KCNU1: variants seen among roughly 807,000 people sequenced by gnomAD.
KCNU1 encodes potassium calcium-activated channel subfamily U member 1, also known as potassium channel subfamily U member 1.
Under a neutral mutation model 126.8 loss-of-function variants are expected in KCNU1, and 93 were observed. That is an observed-to-expected ratio of 0.73 (90% CI 0.62 to 0.87). The LOEUF is 0.87. Among genes scored for constraint, KCNU1 ranks in the 40% least tolerant of loss-of-function variants. The pLI, the probability that KCNU1 is intolerant of heterozygous loss-of-function variation, is 0.00. For synonymous variants in KCNU1, 523 were observed against 494.2 expected (o/e 1.06, Z -0.77); for missense variants, 1,330 against 1,367.1 (o/e 0.97, Z 0.43).
intron 18 of KCNU1, among the ~76,000 whole-genome samples, chr8:36,859,526 T>G (rs1805653144): frequency 6.6e-6 from 1 of 152,154 alleles, no homozygotes; most frequent in African/African-American, 2.4e-5. Context: ...AAAAACATGT[T>G]AGCTTTTGGG....
At position 36,840,700 on chromosome 8, in the gene KCNU1, G is replaced by A. The variant is rs1804917196; in HGVS notation, c.1631+125G>A. The A allele has an allele frequency of 5.7e-6, 4 of 706,214 alleles. No homozygotes were observed. The East Asian group carries it at 8.1e-5, about 14-fold the overall frequency. The allele number at this position is 706,214 out of a possible 1,614,324, so 43.7% of individuals were successfully genotyped here. A position where few individuals can be genotyped will look rare whatever the true frequency, so the allele number is the denominator to read the frequency against. Reference sequence around the variant, plus strand: ...AAGATCTAAGAAGGGACAGCCCAGGGTCCCTGAAACTTAGAAGTTTACAGT... The same window carrying A: ...AAGATCTAAGAAGGGACAGCCCAGGATCCCTGAAACTTAGAAGTTTACAGT... On this transcript the variant is annotated intron_variant, in intron 15 of 26. Transcript: ENST00000399881.
intron 19 of KCNU1, among the ~76,000 whole-genome samples, chr8:36,898,907 A>G (rs912612386): frequency 6.6e-6 from 1 of 152,088 alleles, no homozygotes; most frequent in African/African-American, 2.4e-5. Flanking sequence ...TCTGACTTTT[A>G]TTAAAGGTAC....
At chr8:36,929,159 A>T in intron 24 of KCNU1, 2 of 561,832 alleles carry the variant, frequency 3.6e-6, no homozygotes, top group Non-Finnish European at 3.2e-6. Context: ...AGGTAGGTGG[A>T]TCTCTTGAGG....
intron 18 of KCNU1, among the ~76,000 whole-genome samples, chr8:36,861,484 A>G (rs996351): frequency 0.37 from 56,846 of 152,020 alleles, 10,945 homozygotes; most frequent in Admixed American, 0.44. Flanking sequence ...GAATGGATAC[A>G]TAAATAAATA....
At chr8:36,808,863 G>C in intron 7 of KCNU1, 70 bp downstream of exon 7, 1 of 1,068,560 alleles carries the variant, frequency 9.4e-7, no homozygotes, top group Non-Finnish European at 1.4e-6. Flanking sequence ...AAATGGAAGG[G>C]AACCTGCTGA....
In KCNU1 at chr8:36,805,178, CCTT is replaced by C. The variant is rs766056713; in HGVS notation, c.378-13_378-11del. 6 of 1,572,706 alleles carry C rather than the reference CCTT, an allele frequency of 3.8e-6. No homozygotes were observed. The highest frequency in any genetic ancestry group is 1.1e-5 in the South Asian group (1 of 88,852). Reference sequence around the variant, plus strand: ...AAAAATGTTGATCTTCACAAACTGTCCTTCTTTCTTTTCCAGCCCTGTTGGAAG... The same window carrying C: ...AAAAATGTTGATCTTCACAAACTGTCCTTTCTTTTCCAGCCCTGTTGGAAG... On this transcript the variant is annotated splice_polypyrimidine_tract_variant and intron_variant, in intron 3 of 26. Coordinates refer to ENST00000399881, the MANE Select transcript of KCNU1 (RefSeq NM_001031836.3).
At chr8:36,861,129 T>A (rs928299931) in intron 18 of KCNU1, among the ~76,000 whole-genome samples, 2 of 152,162 alleles carry the variant, frequency 1.3e-5, no homozygotes, top group African/African-American at 4.8e-5. Flanking sequence ...GGAGAAAGAA[T>A]AGGAGATGGT....
chr8:36,815,546 A>T, intron 8 of KCNU1, 50 bp from the exon 9 acceptor site: 2 of 902,000 alleles, frequency 2.2e-6, no homozygotes, highest in Non-Finnish European at 3.4e-6. Flanking sequence ...TTTTTGGAGT[A>T]TCCATCAAAA....
rs1247378609 is a variant in KCNU1 at position 36,787,321 on chromosome 8, G to C, written c.211G>C (p.Gly71Arg). The change falls in exon 2 of 27, where the codon GGT (glycine) becomes CGT (arginine). Residue 71 changes from glycine to arginine, a missense_variant. By Grantham distance (125) the Gly-to-Arg change is moderately radical (BLOSUM62 -2). Coordinates refer to ENST00000399881, the MANE Select transcript of KCNU1 (RefSeq NM_001031836.3). Reference protein sequence around the residue: ...TGIILELFTSGTIARSHVRSL... With the variant: ...TGIILELFTSRTIARSHVRSL... ...TTGATTGTAGGAACTGTTCACATCA[G>C]GTACCATCGCTAGGAGCCATGTAAG... is the stretch of plus-strand genomic sequence containing the variant. 1 of 1,610,768 alleles carries C rather than the reference G, an allele frequency of 6.2e-7. No homozygotes were observed. The highest frequency in any genetic ancestry group is 8.5e-7 in the Non-Finnish European group (1 of 1,178,212).
chr8:36,811,746 A>T (rs1163464415), intron 7 of KCNU1, among the ~76,000 whole-genome samples: 1 of 151,884 alleles, frequency 6.6e-6, no homozygotes, highest in Non-Finnish European at 1.5e-5. Context: ...AGCCTGGCCA[A>T]CATGGCGAAA....
At chr8:36,802,506 A>C (rs532662198) in intron 2 of KCNU1, among the ~76,000 whole-genome samples, 1 of 152,168 alleles carries the variant, frequency 6.6e-6, no homozygotes, top group Non-Finnish European at 1.5e-5. Context: ...AAGAAACCTT[A>C]AGAGTTTCCA....
intron 2 of KCNU1, among the ~76,000 whole-genome samples, chr8:36,794,434 C>A (rs934570615): frequency 6.6e-6 from 1 of 152,082 alleles, no homozygotes; most frequent in African/African-American, 2.4e-5. Flanking sequence ...ACAATTTATA[C>A]ACATACACAT....
At chr8:36,917,149 T>A (rs1434209831) in intron 22 of KCNU1, among the ~76,000 whole-genome samples, 13 of 152,156 alleles carry the variant, frequency 8.5e-5, no homozygotes. Context: ...CAAAGGACCT[T>A]CCAAAGATTT....
chr8:36,852,322 T>C (rs1805379471), intron 18 of KCNU1, among the ~76,000 whole-genome samples: 2 of 152,154 alleles, frequency 1.3e-5, no homozygotes, highest in African/African-American at 2.4e-5. Flanking sequence ...AATTTTGGTC[T>C]TTAGGTTCCT....
chr8:36,870,926 T>C (rs958208198), intron 19 of KCNU1, among the ~76,000 whole-genome samples: 49 of 152,336 alleles, frequency 3.2e-4, no homozygotes, highest in African/African-American at 1.2e-3. Context: ...TTGGCACTTA[T>C]GTTTCCCATT....
In KCNU1 at chr8:36,935,491, A is replaced by G. The variant is rs537088127; in HGVS notation, c.3045-24A>G. ...CACTGGCCAGCTGCAGAACCTCAGC[A>G]TTTATCTTTGACTTGTCTTACAGGT... On this transcript the variant is annotated intron_variant, in intron 26 of 26. Transcript: ENST00000399881. The G allele has an allele frequency of 3.9e-6, 6 of 1,554,792 alleles. No homozygotes were observed. In the East Asian group the frequency reaches 1.1e-4, roughly 29 times the overall value.
At chr8:36,807,283 G>T (rs1803538414) in intron 5 of KCNU1, 92 bp from the exon 6 acceptor site, 8 of 869,224 alleles carry the variant, frequency 9.2e-6, no homozygotes, top group Admixed American at 5.6e-5. Context: ...AGAAGAAAAA[G>T]AATGTAAGTG....
Position 36,805,218 on chromosome 8 carries a change from A to G in KCNU1, c.401A>G (p.Tyr134Cys). Residue 134 changes from tyrosine (Y) to cysteine (C), a missense_variant, in exon 4 of 27, where the codon TAT becomes TGT. By Grantham distance (194) the Tyr-to-Cys change is radical. Coordinates refer to ENST00000399881, the MANE Select transcript of KCNU1 (RefSeq NM_001031836.3). ...AGCCCTGTTGGAAGCTGTTCATCAT[A>G]TGAAGACAAAACCATTCCTATTGAT... ...SADPVGSCSS[Y>C]EDKTIPIDLV... 2 of 1,610,790 alleles carry G rather than the reference A, an allele frequency of 1.2e-6. No individual in the cohort carries two copies. The highest frequency in any genetic ancestry group is 1.7e-4 in the Middle Eastern group (1 of 6,052).
chr8:36,856,250 A>G (rs2117307869), intron 18 of KCNU1, among the ~76,000 whole-genome samples: 1 of 152,146 alleles, frequency 6.6e-6, no homozygotes, highest in Admixed American at 6.5e-5. Flanking sequence ...TTTTCTGCTA[A>G]CTCTGACATG....
Sources: allele counts gnomAD v4.1 joint callset (sites outside exome capture counted in the v4.1 genomes callset), GRCh38; gene constraint gnomAD v4.1.1; transcripts MANE v1.5; gene names NCBI Gene and HGNC (gene_info 2026-07-23, HGNC 2026-07-21).